Variants in CLVS1 observed in about 807,000 individuals in gnomAD.
The protein encoded by CLVS1 is clavesin 1.
A neutral mutation model predicts 33.1 loss-of-function variants in CLVS1; 10 were observed. The ratio of observed to expected loss-of-function variants is 0.30; its 90% confidence interval spans 0.19 to 0.51. The LOEUF is 0.51. CLVS1 is among the 20% of genes least tolerant of loss of function. The pLI is 0.97. For missense variants in CLVS1, 343 were observed against 433.4 expected (o/e 0.79, Z 1.85); for synonymous variants, 163 against 166.1 (o/e 0.98, Z 0.14).
the CLVS1 span, among the ~76,000 whole-genome samples, chr8:61,037,768 A>G: frequency 1.3e-5 from 2 of 152,216 alleles, no homozygotes; most frequent in Non-Finnish European, 2.9e-5. Context: ...CAAACCCCAG[A>G]GCTGTCAGAG....
chr8:61,149,593 GA>G (rs1156595303), intron 2 of CLVS1, among the ~76,000 whole-genome samples: 2 of 127,990 alleles, frequency 1.6e-5, no homozygotes, highest in Non-Finnish European at 3.4e-5. Flanking sequence ...AAAAGAAAAA[GA>G]AAAAAGACAA....
chr8:61,207,295 G>A (rs1807870939), intron 2 of CLVS1, among the ~76,000 whole-genome samples: 1 of 152,158 alleles, frequency 6.6e-6, no homozygotes, highest in Non-Finnish European at 1.5e-5. Flanking sequence ...AGATGCACGG[G>A]CTCCAGTGAT....
intron 1 of CLVS1, among the ~76,000 whole-genome samples, chr8:61,073,319 C>G (rs1327610386): frequency 6.6e-6 from 1 of 152,196 alleles, no homozygotes; most frequent in Non-Finnish European, 1.5e-5. Flanking sequence ...ATGTTCGTAG[C>G]TTTAGGCCTC....
chr8:61,083,479 C>A (rs963721952), intron 1 of CLVS1, among the ~76,000 whole-genome samples: 2 of 151,998 alleles, frequency 1.3e-5, no homozygotes, highest in African/African-American at 4.8e-5. Context: ...GGTTTGGGAG[C>A]CAGAGGCAGG....
chr8:61,280,874 C>T (rs1255279407), intron 2 of CLVS1, among the ~76,000 whole-genome samples: 3 of 152,154 alleles, frequency 2.0e-5, no homozygotes, highest in East Asian at 3.9e-4. Context: ...GCAATCCACC[C>T]ACCTAGGCCT....
At chr8:61,070,750 G>A (rs890458095) in intron 1 of CLVS1, among the ~76,000 whole-genome samples, 2 of 152,206 alleles carry the variant, frequency 1.3e-5, no homozygotes, top group African/African-American at 4.8e-5. Context: ...TGAGGTGGGA[G>A]GGTTGCTTGA....
intron 5 of CLVS1, among the ~76,000 whole-genome samples, chr8:61,464,179 G>A (rs1233712373): frequency 1.3e-5 from 2 of 152,088 alleles, no homozygotes; most frequent in Non-Finnish European, 2.9e-5. Context: ...GAAAAATGGT[G>A]CCAATAGACT....
At chr8:61,244,851 AT>A (rs894946780) in intron 2 of CLVS1, among the ~76,000 whole-genome samples, 11 of 152,074 alleles carry the variant, frequency 7.2e-5, no homozygotes, top group East Asian at 1.9e-4. Context: ...TTCATTAAAA[AT>A]TTTTTTTACT....
intron 2 of CLVS1, among the ~76,000 whole-genome samples, chr8:61,342,124 G>A (rs1328438827): frequency 6.6e-6 from 1 of 152,176 alleles, no homozygotes; most frequent in African/African-American, 2.4e-5. Context: ...GGTGACTCTT[G>A]CTCTTCTCTC....
At chr8:61,092,228 G>A (rs9650202) in intron 1 of CLVS1, among the ~76,000 whole-genome samples, 2,106 of 152,178 alleles carry the variant, frequency 0.014, 22 homozygotes, top group Middle Eastern at 0.034. Context: ...TTACCAGTTG[G>A]TGTTTATGTC....
At chr8:61,107,736 C>A (rs1385451003) in intron 1 of CLVS1, among the ~76,000 whole-genome samples, 4 of 152,190 alleles carry the variant, frequency 2.6e-5, no homozygotes, top group African/African-American at 7.2e-5. Flanking sequence ...AAGCACAGCA[C>A]CTTTGTTTGC....
intron 2 of CLVS1, among the ~76,000 whole-genome samples, chr8:61,231,872 T>C (rs775976429): frequency 6.6e-5 from 10 of 151,996 alleles, no homozygotes; most frequent in Non-Finnish European, 1.5e-4. Context: ...ACCTTACCCA[T>C]GCTACACAAT....
chr8:61,197,686 A>G (rs1448253800), intron 2 of CLVS1, among the ~76,000 whole-genome samples: 1 of 152,004 alleles, frequency 6.6e-6, no homozygotes, highest in Non-Finnish European at 1.5e-5. Flanking sequence ...CACCCCGCTA[A>G]TTTTTGTATT....
intron 2 of CLVS1, among the ~76,000 whole-genome samples, chr8:61,315,098 G>C (rs1315461299): frequency 6.6e-6 from 1 of 152,008 alleles, no homozygotes; most frequent in Non-Finnish European, 1.5e-5. Context: ...TTCTTCCAAG[G>C]TTTCTCCAAC....
chr8:61,317,843 C>T (rs1257740908), intron 2 of CLVS1, among the ~76,000 whole-genome samples: 3 of 136,576 alleles, frequency 2.2e-5, no homozygotes, highest in Non-Finnish European at 4.8e-5. Flanking sequence ...TGCCTGCTGT[C>T]TATTGTTACC....
At chr8:61,475,673 T>A (rs933350013) in intron 5 of CLVS1, among the ~76,000 whole-genome samples, 7 of 152,194 alleles carry the variant, frequency 4.6e-5, no homozygotes, top group African/African-American at 7.2e-5. Context: ...TTTGTTTGAG[T>A]TCATTGTAGA....
chr8:61,091,500 A>G (rs1484327959), intron 1 of CLVS1, among the ~76,000 whole-genome samples: 3 of 152,234 alleles, frequency 2.0e-5, no homozygotes, highest in Non-Finnish European at 4.4e-5. Flanking sequence ...AGCTAGAGCC[A>G]TTGTGTGAAA....
At chr8:60,986,780 C>G in the CLVS1 span, among the ~76,000 whole-genome samples, 1 of 152,214 alleles carries the variant, frequency 6.6e-6, no homozygotes, top group African/African-American at 2.4e-5. Context: ...CAATTATATC[C>G]TGCCATAAGC....
At chr8:61,242,084 T>A (rs908044835) in intron 2 of CLVS1, among the ~76,000 whole-genome samples, 1 of 152,162 alleles carries the variant, frequency 6.6e-6, no homozygotes, top group African/African-American at 2.4e-5. Context: ...TTTCTACCCA[T>A]CTTGAGTTTT....
Sources: gnomAD v4.1 joint callset for allele counts (sites outside exome capture counted in the v4.1 genomes callset) on GRCh38, gnomAD v4.1.1 for gene constraint, MANE v1.5 for transcripts, NCBI Gene and HGNC (gene_info 2026-07-23, HGNC 2026-07-21) for gene names.